Variants in SEPTIN6 observed in about 807,000 individuals in gnomAD.
SEPTIN6 encodes septin 6, also known as septin-6.
In SEPTIN6, 8 loss-of-function variants were observed where a neutral mutation model predicts 33.6. That is an observed-to-expected ratio of 0.24 (90% CI 0.14 to 0.43). The LOEUF is 0.43. Among genes scored for constraint, SEPTIN6 ranks in the 20% least tolerant of loss-of-function variants. The pLI, the probability that SEPTIN6 is intolerant of heterozygous loss-of-function variation, is 1.00. For missense variants in SEPTIN6, 250 were observed against 340.8 expected, an observed-to-expected ratio of 0.73 and a Z score of 2.10; for synonymous variants, 131 against 140.0, an observed-to-expected ratio of 0.94 and a Z score of 0.45.
At chrX:119,649,179 C>T (rs1450461840) in intron 5 of SEPTIN6, among the ~76,000 whole-genome samples, 1 of 91,720 alleles carries the variant, frequency 1.1e-5, no homozygotes, top group Non-Finnish European at 2.1e-5. Context: ...AGTGCAATGG[C>T]GTAATCTTGG....
chrX:119,645,271 A>C (rs1351550836), intron 5 of SEPTIN6, among the ~76,000 whole-genome samples: 1 of 52,080 alleles, frequency 1.9e-5, no homozygotes. Context: ...ACGGAGTCTC[A>C]CTCTGTCGCC....
intron 3 of SEPTIN6, among the ~76,000 whole-genome samples, chrX:119,654,387 C>G (rs368595303): frequency 1.8e-5 from 2 of 111,586 alleles, no homozygotes; most frequent in African/African-American, 3.3e-5. Flanking sequence ...TTCTCATCTC[C>G]CCTGTCTGTC....
chrX:119,690,616 G>A (rs901176922), intron 1 of SEPTIN6, among the ~76,000 whole-genome samples: 5 of 106,146 alleles, frequency 4.7e-5, no homozygotes, highest in African/African-American at 6.9e-5. Flanking sequence ...CCAGCTACTC[G>A]GGAGGCTGAG....
At chrX:119,631,589 A>G (rs1175946607) in intron 8 of SEPTIN6, among the ~76,000 whole-genome samples, 1 of 108,886 alleles carries the variant, frequency 9.2e-6, no homozygotes, top group Non-Finnish European at 1.9e-5. Context: ...TTCTCCTCCT[A>G]AAAGTGCTGG....
chrX:119,689,729 G>A (rs927691730), intron 1 of SEPTIN6, among the ~76,000 whole-genome samples: 1 of 107,945 alleles, frequency 9.3e-6, no homozygotes, highest in Admixed American at 9.9e-5. Context: ...ACCCACCTCG[G>A]CCTCTTTTTT....
At chrX:119,679,050 C>G (rs1190793711) in intron 1 of SEPTIN6, among the ~76,000 whole-genome samples, 2 of 110,601 alleles carry the variant, frequency 1.8e-5, no homozygotes, top group African/African-American at 6.6e-5. Flanking sequence ...CAGGTTCAAG[C>G]GATTCTCCTG....
intron 9 of SEPTIN6, 145 bp from the exon 10 acceptor site, chrX:119,625,524 A>C: frequency 6.3e-6 from 3 of 478,779 alleles, no homozygotes; most frequent in Non-Finnish European, 1.1e-5. Context: ...ACTGGTAGGA[A>C]CCCCTGAAAC....
intron 1 of SEPTIN6, 60 bp from the exon 2 acceptor site, chrX:119,675,728 C>A: frequency 1.5e-6 from 1 of 657,607 alleles, no homozygotes. Flanking sequence ...CTGGGTCTCG[C>A]TTCTCCATCC....
intron 3 of SEPTIN6, among the ~76,000 whole-genome samples, chrX:119,660,279 T>C (rs140264167): frequency 2.7e-5 from 3 of 112,432 alleles, no homozygotes; most frequent in African/African-American, 9.7e-5. Flanking sequence ...TAATGCCTTG[T>C]TTCAATGATG....
At chrX:119,624,099 C>G (rs764265067) in intron 10 of SEPTIN6, 1 of 314,607 alleles carries the variant, frequency 3.2e-6, no homozygotes, top group Non-Finnish European at 6.2e-6. Context: ...AAGGAATTCT[C>G]TATAATTTCT....
intron 1 of SEPTIN6, among the ~76,000 whole-genome samples, chrX:119,690,723 C>CAAAAA (rs772333455): frequency 1.7e-4 from 4 of 23,020 alleles, no homozygotes; most frequent in East Asian, 1.5e-3. Flanking sequence ...GACTCCGTCT[C>CAAAAA]AAAAAAAAAA....
chrX:119,633,262 C>G, intron 8 of SEPTIN6, 98 bp downstream of exon 8: 1 of 830,210 alleles, frequency 1.2e-6, no homozygotes, highest in Non-Finnish European at 1.7e-6. Context: ...AAGTAATTTA[C>G]ATTCACACCA....
At chrX:119,634,523 G>A (rs755953064) in intron 7 of SEPTIN6, among the ~76,000 whole-genome samples, 6 of 111,478 alleles carry the variant, frequency 5.4e-5, no homozygotes, top group Non-Finnish European at 9.4e-5. Context: ...TGGCAGTGGT[G>A]GAGTAGAGGC....
chrX:119,666,836 T>C (rs890393720), intron 2 of SEPTIN6, among the ~76,000 whole-genome samples: 3 of 111,405 alleles, frequency 2.7e-5, no homozygotes, highest in Non-Finnish European at 5.7e-5. Context: ...GGTGGCAGAC[T>C]TGGCCAAGCA....
chrX:119,663,447 C>T lies in SEPTIN6; in HGVS notation c.341+35G>A, dbSNP rs370321694. On this transcript the variant is annotated intron_variant, in intron 3 of 10. Transcript: ENST00000394610. ...CTCCTCTCTGCGGCCCTCTACCAACCTCCCCACCCTACCCCACCCCACCGC... is the reference window on the plus strand; with the variant it reads ...CTCCTCTCTGCGGCCCTCTACCAACTTCCCCACCCTACCCCACCCCACCGC... The T allele has an allele frequency of 8.1e-5, 72 of 893,947 alleles. No homozygotes were observed. In the African/African-American group the frequency reaches 1.4e-3, roughly 17 times the overall value. The allele number at this position is 893,947 out of a possible 1,213,427, so 73.7% of individuals were successfully genotyped here.
chrX:119,649,302 C>G (rs1190878291), intron 5 of SEPTIN6, among the ~76,000 whole-genome samples: 6 of 105,527 alleles, frequency 5.7e-5, no homozygotes, highest in Admixed American at 5.2e-4. Flanking sequence ...CCATGTTGGC[C>G]AGGTTGGTCT....
chrX:119,637,276 A>G lies in SEPTIN6; in HGVS notation c.788-81T>C, dbSNP rs3827477. 6.0e-3 allele frequency: 5,440 copies of G among 911,791 alleles called. 169 individuals are homozygous for G. The East Asian group carries it at 0.077, about 13-fold the overall frequency. 75.1% of individuals were successfully genotyped at this position (911,791 alleles called of 1,213,427 possible). A position where few individuals can be genotyped will look rare whatever the true frequency, so the allele number is the denominator to read the frequency against. On this transcript the variant is annotated intron_variant, in intron 6 of 10. Transcript: ENST00000394610. Reference sequence around the variant, plus strand: ...CAGAAATGGATGAAACGAGAGGCAAAATGTCTAACAGTGACGTTGCCTTGC... The same window carrying G: ...CAGAAATGGATGAAACGAGAGGCAAGATGTCTAACAGTGACGTTGCCTTGC...
At chrX:119,690,051 CCTG>C (rs1304800882) in intron 1 of SEPTIN6, among the ~76,000 whole-genome samples, 2 of 111,519 alleles carry the variant, frequency 1.8e-5, no homozygotes, top group Non-Finnish European at 3.8e-5. Context: ...TTTTTTAAAG[CCTG>C]CTACCTTTTT....
At chrX:119,669,564 G>A (rs758064542) in intron 2 of SEPTIN6, among the ~76,000 whole-genome samples, 9 of 111,964 alleles carry the variant, frequency 8.0e-5, no homozygotes, top group South Asian at 3.7e-4. Context: ...TGCTGGAGCC[G>A]GCTCGTCCGC....
Sources: gnomAD v4.1 joint callset for allele counts (sites outside exome capture counted in the v4.1 genomes callset) on GRCh38, gnomAD v4.1.1 for gene constraint, MANE v1.5 for transcripts, NCBI Gene and HGNC (gene_info 2026-07-23, HGNC 2026-07-21) for gene names.